DSP: variants seen among roughly 807,000 people sequenced by gnomAD.
DSP encodes desmoplakin, also known as 250/210 kDa paraneoplastic pemphigus antigen.
Under a neutral mutation model 290.6 loss-of-function variants are expected in DSP, and 114 were observed. That is an observed-to-expected ratio of 0.39 (90% CI 0.34 to 0.46). The LOEUF is 0.46. DSP is among the 20% of genes least tolerant of loss of function. The probability of loss-of-function intolerance (pLI) is 0.99; values close to 1 mark genes in which losing one functional copy is unlikely to be tolerated. For missense variants in DSP, 3,230 were observed against 3,495.8 expected, an observed-to-expected ratio of 0.92 and a Z score of 1.92; for synonymous variants, 1,311 against 1,316.4, an observed-to-expected ratio of 1.00 and a Z score of 0.09.
Position 7,586,287 on chromosome 6 carries a change from A to G in DSP, c.*409A>G. The G allele has an allele frequency of 5.3e-6, 1 of 189,520 alleles. No homozygotes were observed. The highest frequency in any genetic ancestry group is 1.1e-5 in the Non-Finnish European group (1 of 90,416). The allele number at this position is 189,520 out of a possible 1,614,324, so 11.7% of individuals were successfully genotyped here. On this transcript the variant is annotated 3_prime_UTR_variant, in exon 24 of 24. Coordinates refer to ENST00000379802, the MANE Select transcript of DSP (RefSeq NM_004415.4). ...CTGCTTCTCATCTAAATATTTCCAT[A>G]TTCTGTATTAGGAGAAAATTACCCT...
chr6:7,553,963 A>G (rs957771741), intron 1 of DSP, among the ~76,000 whole-genome samples: 1 of 152,242 alleles, frequency 6.6e-6, no homozygotes, highest in African/African-American at 2.4e-5. Flanking sequence ...CCATGGTGAG[A>G]CAGTGCAGCC....
intron 4 of DSP, 98 bp downstream of exon 4, chr6:7,559,498 C>A: frequency 6.7e-7 from 1 of 1,493,918 alleles, no homozygotes; most frequent in Non-Finnish European, 9.2e-7. Flanking sequence ...TCTTCTAGAC[C>A]TCAGGTGGCG....
Position 7,582,852 on chromosome 6 carries a change from C to T in DSP, c.5590C>T (p.Leu1864=). 6.2e-7 allele frequency: 1 copy of T among 1,613,956 alleles called. No homozygotes were observed. Among genetic ancestry groups the T allele is most frequent in the Non-Finnish European group, 8.5e-7 (1 of 1,180,008 alleles). ...TGAGAAACAGCAAATTCAGAATGACCTGAATCAGTGGAAGACTCAATATTC... is the reference window on the plus strand; with the variant it reads ...TGAGAAACAGCAAATTCAGAATGACTTGAATCAGTGGAAGACTCAATATTC... ...ECEKQQIQND[L]NQWKTQYSRK... is the part of the protein sequence containing the mutation. Residue 1864 remains leucine, a synonymous_variant, in exon 24 of 24, where the codon CTG becomes TTG. Transcript: ENST00000379802. This position sits in a 1 kb window ranked among gnomAD's most constrained non-coding sequence, Gnocchi z 4.2.
intron 1 of DSP, among the ~76,000 whole-genome samples, chr6:7,542,387 G>T (rs980911331): frequency 6.6e-6 from 1 of 152,152 alleles, no homozygotes; most frequent in African/African-American, 2.4e-5. Context: ...GCTGGACACG[G>T]CTGCAGCCGC....
intron 1 of DSP, among the ~76,000 whole-genome samples, chr6:7,542,871 C>G (rs1485554265): frequency 1.3e-5 from 2 of 152,158 alleles, no homozygotes; most frequent in East Asian, 1.9e-4. Flanking sequence ...ATGAAAGACC[C>G]CAGTGTGCCT....
At chr6:7,564,077 C>T (rs1350633315) in intron 6 of DSP, among the ~76,000 whole-genome samples, 4 of 152,210 alleles carry the variant, frequency 2.6e-5, no homozygotes, top group Admixed American at 6.5e-5. Flanking sequence ...GGATTACAGG[C>T]GTGAGCCACT....
At position 7,585,726 on chromosome 6, in the gene DSP, G is replaced by A. The variant is rs1361652898; in HGVS notation, c.8464G>A (p.Ala2822Thr). 1 of 1,612,290 alleles carries A rather than the reference G, an allele frequency of 6.2e-7. No individual in the cohort carries two copies. Among genetic ancestry groups the A allele is most frequent in the South Asian group, 1.1e-5 (1 of 90,884 alleles). ...GLPSPYNMSSAPGSRSGSRSG... is the reference protein window; with the variant it reads ...GLPSPYNMSSTPGSRSGSRSG... ...ACCCAGCCCTTACAACATGTCTTCG[G>A]CTCCGGGGTCCCGCTCCGGCTCCCG... The change falls in exon 24 of 24, where the codon GCT becomes ACT. Residue 2822 changes from alanine to threonine, a missense_variant. This residue lies in a region of DSP where 582 missense variants were observed against 555.4 expected (regional missense o/e 1.05). Coordinates refer to ENST00000379802, the MANE Select transcript of DSP (RefSeq NM_004415.4).
rs1165661899 is a variant in DSP, at chr6:7,541,708, C to T, written c.-208C>T. On this transcript the variant is annotated 5_prime_UTR_variant, in exon 1 of 24. Transcript: ENST00000379802. Reference sequence around the variant, plus strand: ...TGCCGCCCTCCGAGCCACAGCTTTCCTCCCGCTCCTGCCCCCGGCCCGTCG... The same window carrying T: ...TGCCGCCCTCCGAGCCACAGCTTTCTTCCCGCTCCTGCCCCCGGCCCGTCG... 4.9e-6 allele frequency: 3 copies of T among 612,026 alleles called. No homozygotes were observed. The highest frequency in any genetic ancestry group is 3.1e-5 in the East Asian group (1 of 31,932). 37.9% of individuals were successfully genotyped at this position (612,026 alleles called of 1,614,324 possible). A position where few individuals can be genotyped will look rare whatever the true frequency, so the allele number is the denominator to read the frequency against.
intron 1 of DSP, among the ~76,000 whole-genome samples, chr6:7,550,738 G>T (rs1469047345): frequency 3.3e-5 from 5 of 150,870 alleles, no homozygotes. Context: ...TATTAATTTT[G>T]GTTTGGAAGT....
chr6:7,584,015 G>A lies in DSP; in HGVS notation c.6753G>A (p.Lys2251=), dbSNP rs750294829. ...ISYDEVGERI[K]DFLQGSSCIA... is the part of the protein sequence containing the mutation. The stretch of plus-strand genomic sequence containing the variant: ...ATGACGAGGTTGGTGAGAGAATTAA[G>A]GACTTCCTCCAGGGTTCAAGCTGCA... Residue 2251 remains lysine, a synonymous_variant, in exon 24 of 24, where the codon AAG becomes AAA. Coordinates refer to ENST00000379802, the MANE Select transcript of DSP (RefSeq NM_004415.4). This position sits in a 1 kb window ranked among gnomAD's most constrained non-coding sequence, Gnocchi z 6.4. 3.2e-5 allele frequency: 51 copies of A among 1,614,052 alleles called. No homozygotes were observed. The Admixed American group carries it at 6.3e-4, about 20-fold the overall frequency.
chr6:7,560,284 C>T (rs556048587), intron 4 of DSP, among the ~76,000 whole-genome samples: 1 of 152,192 alleles, frequency 6.6e-6, no homozygotes, highest in Non-Finnish European at 1.5e-5. Context: ...AATTTCTCAA[C>T]TCCTTTAAAA....
At chr6:7,563,839 T>C (rs1758777715) in intron 6 of DSP, 53 bp downstream of exon 6, 1 of 1,537,358 alleles carries the variant, frequency 6.5e-7, no homozygotes, top group African/African-American at 1.4e-5. Flanking sequence ...TCCAATTCAA[T>C]TCAGTTCAAG....
Position 7,586,584 on chromosome 6 carries a change from TTTTAA to T in DSP, c.*713_*717del, listed in dbSNP as rs1169655587. 6 of 152,254 alleles carry T rather than the reference TTTTAA, an allele frequency of 3.9e-5. No individual in the cohort carries two copies. The highest frequency in any genetic ancestry group is 1.9e-4 in the East Asian group (1 of 5,206). The allele number at this position is 152,254 out of a possible 1,614,324, so 9.4% of individuals were successfully genotyped here. On this transcript the variant is annotated 3_prime_UTR_variant, in exon 24 of 24. Transcript: ENST00000379802. Reference sequence around the variant, plus strand: ...CTTTTAGACTTTTGAAGTGTTTGTGTTTTAATTTAATATGTTTATAAGCATGTATA... The same window carrying T: ...CTTTTAGACTTTTGAAGTGTTTGTGTTTTAATATGTTTATAAGCATGTATA...
At chr6:7,548,192 G>A (rs896491584) in intron 1 of DSP, among the ~76,000 whole-genome samples, 6 of 151,896 alleles carry the variant, frequency 4.0e-5, no homozygotes, top group Non-Finnish European at 8.8e-5. Context: ...GCTTGAACCC[G>A]GGAGGCAGAG....
At chr6:7,567,302 T>C in intron 8 of DSP, 52 bp from the exon 9 acceptor site, 1 of 1,408,460 alleles carries the variant, frequency 7.1e-7, no homozygotes, top group Non-Finnish European at 1.0e-6. Context: ...TTGGTGTTCA[T>C]GCATCTGTAC....
chr6:7,566,159 C>T (rs536012704), intron 7 of DSP, among the ~76,000 whole-genome samples: 11 of 152,224 alleles, frequency 7.2e-5, no homozygotes, highest in South Asian at 4.2e-4. Flanking sequence ...TTCTTTCCTC[C>T]TGTGTCATCT....
chr6:7,571,547 G>A lies in DSP; in HGVS notation c.1866G>A (p.Leu622=). The A allele has an allele frequency of 6.2e-7, 1 of 1,614,184 alleles. No homozygotes were observed. The highest frequency in any genetic ancestry group is 8.5e-7 in the Non-Finnish European group (1 of 1,180,028). Residue 622 remains leucine, a synonymous_variant, in exon 14 of 24, where the codon CTG becomes CTA. Transcript: ENST00000379802. ...ATGCCCAGAAGCATTACCAGACCCTGGTCATTCAGCTCCCTGGCTATCCCC... is the reference window on the plus strand; with the variant it reads ...ATGCCCAGAAGCATTACCAGACCCTAGTCATTCAGCTCCCTGGCTATCCCC... ...FTDAQKHYQT[L]VIQLPGYPQH...
Position 7,542,872 on chromosome 6 carries a change from C to T in DSP, c.170+787C>T, listed in dbSNP as rs190904761. 1.1e-4 allele frequency among the ~76,000 whole-genome samples: 17 copies of T among 152,042 alleles called. No individual in the cohort carries two copies. The East Asian group carries it at 3.3e-3, about 29-fold the overall frequency. Reference sequence around the variant, plus strand: ...TTTAAAAACACCGGATGAAAGACCCCAGTGTGCCTTGGATCGCAGAGCGCC... The same window carrying T: ...TTTAAAAACACCGGATGAAAGACCCTAGTGTGCCTTGGATCGCAGAGCGCC... On this transcript the variant is annotated intron_variant, in intron 1 of 23. Coordinates refer to ENST00000379802, the MANE Select transcript of DSP (RefSeq NM_004415.4).
chr6:7,586,200 T>A lies in DSP; in HGVS notation c.*322T>A. ...GATCAATTCTTTAATTTTGGAAGCC[T>A]ATAATACAGTTTTCTATTCTTGGAG... On this transcript the variant is annotated 3_prime_UTR_variant, in exon 24 of 24. Transcript: ENST00000379802. 4 of 239,622 alleles carry A rather than the reference T, an allele frequency of 1.7e-5. No individual in the cohort carries two copies. Among genetic ancestry groups the A allele is most frequent in the Non-Finnish European group, 3.2e-5 (4 of 123,098 alleles). 14.8% of individuals were successfully genotyped at this position (239,622 alleles called of 1,614,324 possible).
Sources: gnomAD v4.1 joint callset for allele counts (sites outside exome capture counted in the v4.1 genomes callset) on GRCh38, gnomAD v4.1.1 for gene constraint, gnomAD v4.1.1 regional missense constraint, Gnocchi (gnomAD v3.1) non-coding constraint, MANE v1.5 for transcripts, NCBI Gene and HGNC (gene_info 2026-07-23, HGNC 2026-07-21) for gene names.